Variants in PARD3B observed in about 807,000 individuals in gnomAD.
The protein encoded by PARD3B is partitioning defective 3 homolog B.
Under a neutral mutation model 130.2 loss-of-function variants are expected in PARD3B, and 103 were observed. The ratio of observed to expected loss-of-function variants is 0.79; its 90% CI spans 0.67 to 0.93. PARD3B has a LOEUF of 0.93. Among genes scored for constraint, PARD3B ranks in the 40% least tolerant of loss-of-function variants. The pLI is 0.00. For missense variants in PARD3B, 1,609 were observed against 1,499.2 expected, an observed-to-expected ratio of 1.07 and a Z score of -1.21; for synonymous variants, 583 against 553.2, an observed-to-expected ratio of 1.05 and a Z score of -0.76.
chr2:205,232,262 C>T (rs760764309), intron 15 of PARD3B, among the ~76,000 whole-genome samples: 7 of 152,004 alleles, frequency 4.6e-5, no homozygotes, highest in African/African-American at 9.7e-5. Flanking sequence ...CCAGCCTGGG[C>T]GATATAGTGA....
intron 18 of PARD3B, among the ~76,000 whole-genome samples, chr2:205,388,890 C>T (rs976473176): frequency 2.6e-5 from 4 of 152,122 alleles, no homozygotes; most frequent in South Asian, 2.1e-4. Context: ...AACAACTATA[C>T]TTAAAATAAT....
chr2:205,254,773 T>C (rs1439410723), intron 16 of PARD3B, among the ~76,000 whole-genome samples: 1 of 151,160 alleles, frequency 6.6e-6, no homozygotes, highest in Non-Finnish European at 1.5e-5. Flanking sequence ...CACGCCATTC[T>C]CCTGCCTCAG....
intron 2 of PARD3B, among the ~76,000 whole-genome samples, chr2:204,734,411 TAAAAG>T (rs1033044085): frequency 4.2e-4 from 64 of 152,252 alleles, no homozygotes; most frequent in African/African-American, 1.4e-3. Flanking sequence ...AGTATCTACT[TAAAAG>T]AAATGAAACT....
intron 2 of PARD3B, among the ~76,000 whole-genome samples, chr2:204,752,103 C>T (rs553593951): frequency 6.6e-6 from 1 of 152,242 alleles, no homozygotes; most frequent in South Asian, 2.1e-4. Flanking sequence ...TCATTACACA[C>T]CAGGGTTACT....
chr2:205,329,870 T>G (rs2105767254), intron 18 of PARD3B, among the ~76,000 whole-genome samples: 1 of 152,048 alleles, frequency 6.6e-6, no homozygotes, highest in African/African-American at 2.4e-5. Flanking sequence ...GGCACATGCC[T>G]GTAATCCCAG....
intron 2 of PARD3B, among the ~76,000 whole-genome samples, chr2:204,914,460 AAG>A (rs1013341601): frequency 3.9e-5 from 6 of 152,180 alleles, no homozygotes; most frequent in African/African-American, 9.6e-5. Context: ...GTGAGGGGGA[AAG>A]AGAGAAAGAA....
At chr2:205,150,415 A>G (rs1020699432) in intron 10 of PARD3B, among the ~76,000 whole-genome samples, 3 of 152,050 alleles carry the variant, frequency 2.0e-5, no homozygotes, top group African/African-American at 7.2e-5. Context: ...CCATTTTGCT[A>G]CAAAATGCTG....
intron 1 of PARD3B, among the ~76,000 whole-genome samples, chr2:204,548,639 A>G (rs1022436973): frequency 9.9e-5 from 15 of 152,192 alleles, no homozygotes; most frequent in African/African-American, 3.1e-4. Context: ...ATTTCCATCT[A>G]CTAACTGCTA....
At chr2:205,424,300 T>C (rs1329019195) in intron 19 of PARD3B, among the ~76,000 whole-genome samples, 1 of 152,152 alleles carries the variant, frequency 6.6e-6, no homozygotes, top group East Asian at 1.9e-4. Flanking sequence ...ATCCCTGTCC[T>C]AGGTATAGTC....
At chr2:204,631,612 A>G (rs1214399157) in intron 1 of PARD3B, among the ~76,000 whole-genome samples, 2 of 152,198 alleles carry the variant, frequency 1.3e-5, no homozygotes, top group African/African-American at 2.4e-5. Flanking sequence ...GCCCATTTAC[A>G]TTTAAGGTTA....
Position 205,550,359 on chromosome 2 carries a change from G to A in PARD3B, c.3181-2965G>A, listed in dbSNP as rs2052563715. Reference sequence around the variant, plus strand: ...ATTGTTTGCAGGCCTGTTTCCATGAGGAGACCCGCTGGATTTCTTCATTGC... The same window carrying A: ...ATTGTTTGCAGGCCTGTTTCCATGAAGAGACCCGCTGGATTTCTTCATTGC... On this transcript the variant is annotated intron_variant, in intron 21 of 22. Transcript: ENST00000406610. The surrounding 1 kb of genome is among the most constrained non-coding windows in gnomAD (Gnocchi z 4.5). Among the ~76,000 whole-genome samples the A allele has an allele frequency of 6.6e-6, 1 of 152,164 alleles. No homozygotes were observed. The highest frequency in any genetic ancestry group is 2.4e-5 in the African/African-American group (1 of 41,438).
intron 18 of PARD3B, among the ~76,000 whole-genome samples, chr2:205,390,509 G>A (rs1376757543): frequency 6.6e-6 from 1 of 152,172 alleles, no homozygotes; most frequent in African/African-American, 2.4e-5. Flanking sequence ...GAGAAAAGAT[G>A]CGAATTTGGG....
chr2:205,355,864 G>A (rs1470763093), intron 18 of PARD3B, among the ~76,000 whole-genome samples: 1 of 152,138 alleles, frequency 6.6e-6, no homozygotes, highest in Non-Finnish European at 1.5e-5. Flanking sequence ...GCCAAGGGAA[G>A]GGGGAAGAGC....
In PARD3B at chr2:205,510,492, G is replaced by A. The variant is rs138455368; in HGVS notation, c.3180+10461G>A. 5.3e-5 allele frequency among the ~76,000 whole-genome samples: 8 copies of A among 152,206 alleles called. No individual in the cohort carries two copies. The East Asian group carries it at 1.5e-3, about 29-fold the overall frequency. On this transcript the variant is annotated intron_variant, in intron 21 of 22. Transcript: ENST00000406610. ...CTTCAGGTGGTAACTGTCAAGCTTG[G>A]TCATCAGGCACTTTTAGCAAATTCC...
At chr2:204,850,522 G>A (rs10469651) in intron 2 of PARD3B, among the ~76,000 whole-genome samples, 12,876 of 151,780 alleles carry the variant, frequency 0.085, 1,331 homozygotes, top group African/African-American at 0.24. Flanking sequence ...GTGTGTGATT[G>A]ATGGGGTGAG....
chr2:205,303,936 T>C (rs2042100597), intron 18 of PARD3B, among the ~76,000 whole-genome samples: 1 of 152,206 alleles, frequency 6.6e-6, no homozygotes, highest in Non-Finnish European at 1.5e-5. Flanking sequence ...TTGATCACTA[T>C]ACTTCTGTGG....
intron 2 of PARD3B, among the ~76,000 whole-genome samples, chr2:204,961,622 A>G (rs1164169342): frequency 6.6e-6 from 1 of 152,162 alleles, no homozygotes; most frequent in Non-Finnish European, 1.5e-5. Context: ...ATATCACTAA[A>G]CAAATTTAGA....
chr2:205,193,140 T>C (rs375516069), intron 14 of PARD3B, 65 bp from the exon 15 acceptor site: 13 of 1,158,188 alleles, frequency 1.1e-5, no homozygotes, highest in East Asian at 2.4e-5. Flanking sequence ...AAATGAGAAC[T>C]GCTTCCTCAT....
At chr2:204,993,812 T>G (rs376699906) in intron 3 of PARD3B, among the ~76,000 whole-genome samples, 85 of 150,332 alleles carry the variant, frequency 5.7e-4, no homozygotes, top group Middle Eastern at 6.9e-3. Flanking sequence ...TCTTGGGAGA[T>G]TGTATGTGTC....
Sources: gnomAD v4.1 joint callset for allele counts (sites outside exome capture counted in the v4.1 genomes callset) on GRCh38, gnomAD v4.1.1 for gene constraint, Gnocchi (gnomAD v3.1) non-coding constraint, MANE v1.5 for transcripts, NCBI Gene and HGNC (gene_info 2026-07-23, HGNC 2026-07-21) for gene names.